ANKRD36: variants seen among roughly 807,000 people sequenced by gnomAD.
ANKRD36 encodes the protein ankyrin repeat domain 36.
A neutral mutation model predicts 278.1 loss-of-function variants in ANKRD36; 179 were observed. That is an observed-to-expected ratio of 0.64 (90% CI 0.57 to 0.73). The LOEUF (loss-of-function observed/expected upper bound fraction) is 0.73, where lower values mean the gene tolerates loss of function less well. Among genes scored for constraint, ANKRD36 ranks in the 30% least tolerant of loss-of-function variants. ANKRD36 has a pLI of 0.00. For synonymous variants in ANKRD36, 320 were observed against 641.1 expected, an observed-to-expected ratio of 0.50 and a Z score of 7.57; for missense variants, 1,159 against 1,956.7, an observed-to-expected ratio of 0.59 and a Z score of 7.69.
At chr2:97,147,329 C>T (rs879591440) in intron 11 of ANKRD36, among the ~76,000 whole-genome samples, 1 of 151,754 alleles carries the variant, frequency 6.6e-6, no homozygotes, top group Non-Finnish European at 1.5e-5. Context: ...TTCACTTTCT[C>T]TACCACTTTT....
intron 54 of ANKRD36, among the ~76,000 whole-genome samples, chr2:97,209,431 T>G (rs1288383387): frequency 1.4e-5 from 2 of 146,506 alleles, no homozygotes; most frequent in Non-Finnish European, 3.0e-5. Flanking sequence ...ATTGACACGG[T>G]TTTATTTTAG....
At chr2:97,182,015 G>A (rs1161846001) in intron 26 of ANKRD36, among the ~76,000 whole-genome samples, 2 of 150,096 alleles carry the variant, frequency 1.3e-5, no homozygotes, top group Non-Finnish European at 3.0e-5. Context: ...AAGAAACGTT[G>A]GAGAGCCATT....
In ANKRD36 at chr2:97,256,384, C is replaced by G. The variant is rs1382987382; in HGVS notation, c.*6+6211C>G. Reference sequence around the variant, plus strand: ...AAAAAAAAAAATTCTGCTTCAATTTCCTTATTATTTATTAGTCCATTCAGA... The same window carrying G: ...AAAAAAAAAAATTCTGCTTCAATTTGCTTATTATTTATTAGTCCATTCAGA... On this transcript the variant is annotated intron_variant, in intron 75 of 75. Coordinates refer to ENST00000420699, the MANE Select transcript of ANKRD36 (RefSeq NM_001354587.1). Among the ~76,000 whole-genome samples, 4 of 152,210 alleles carry G rather than the reference C, an allele frequency of 2.6e-5. No individual in the cohort carries two copies. In the South Asian group the frequency reaches 8.3e-4, roughly 32 times the overall value.
chr2:97,208,804 A>C (rs2063574016), intron 54 of ANKRD36, among the ~76,000 whole-genome samples: 1 of 146,830 alleles, frequency 6.8e-6, no homozygotes, highest in African/African-American at 2.6e-5. Flanking sequence ...ACTTCTTTAG[A>C]GAATAACACG....
intron 8 of ANKRD36, among the ~76,000 whole-genome samples, chr2:97,144,140 T>A (rs2043627467): frequency 1.3e-5 from 2 of 152,168 alleles, no homozygotes; most frequent in Non-Finnish European, 2.9e-5. Context: ...ATGTGTTACA[T>A]GAAAAACATG....
In ANKRD36 at chr2:97,158,167, T is replaced by C; in HGVS notation, c.1321T>C (p.Leu441=). Reference sequence around the variant, plus strand: ...TATTTCTCAACAATCTGCAGAAAATTGTAAGCTATTTGAAACCTGACTATT... The same window carrying C: ...TATTTCTCAACAATCTGCAGAAAATCGTAAGCTATTTGAAACCTGACTATT... ...RTISQQSAEN[L]DAACGIDKTE... The change falls in exon 16 of 76, where the codon TTA becomes CTA. Residue 441 remains leucine, a splice_region_variant and synonymous_variant. Coordinates refer to ENST00000420699, the MANE Select transcript of ANKRD36 (RefSeq NM_001354587.1). 1 of 1,500,382 alleles carries C rather than the reference T, an allele frequency of 6.7e-7. No individual in the cohort carries two copies. The highest frequency in any genetic ancestry group is 1.2e-5 in the South Asian group (1 of 83,088). 92.9% of individuals were successfully genotyped at this position (1,500,382 alleles called of 1,614,324 possible).
intron 3 of ANKRD36, among the ~76,000 whole-genome samples, chr2:97,122,201 T>C (rs965505347): frequency 2.1e-5 from 2 of 97,444 alleles, no homozygotes; most frequent in African/African-American, 5.5e-5. Flanking sequence ...AGGAAACCTC[T>C]ACCTTTACTG....
In ANKRD36 at chr2:97,113,752, A is replaced by G. The variant is rs774044606; in HGVS notation, c.13A>G (p.Lys5Glu). 2,087 of 1,588,970 alleles carry G rather than the reference A, an allele frequency of 1.3e-3. 34 individuals carry two copies. The highest frequency in any genetic ancestry group is 8.1e-3 in the Middle Eastern group (49 of 6,014). ...GCAGCCGACGATTATGGAAGACGGC[A>G]AGCGGGAGAGGTGGCCCACCCTCAT... is the stretch of plus-strand genomic sequence containing the variant. The part of the protein sequence containing the change: MEDG[K>E]RERWPTLMER... Residue 5 changes from lysine to glutamate, a missense_variant, in exon 1 of 76, where the codon AAG (lysine) becomes GAG (glutamate). Lys to Glu is a moderately conservative substitution (Grantham distance 56). Transcript: ENST00000420699.
intron 67 of ANKRD36, among the ~76,000 whole-genome samples, chr2:97,231,079 G>A (rs1354915321): frequency 3.3e-5 from 5 of 152,094 alleles, no homozygotes; most frequent in African/African-American, 7.2e-5. Flanking sequence ...TAGGCTGCTC[G>A]GGGGTCAGTG....
At chr2:97,181,159 C>G (rs1036052351) in intron 24 of ANKRD36, among the ~76,000 whole-genome samples, 1 of 151,506 alleles carries the variant, frequency 6.6e-6, no homozygotes, top group African/African-American at 2.4e-5. Flanking sequence ...TGTGTACCTC[C>G]TAGTTATTGG....
At chr2:97,198,329 A>G (rs1244851239) in intron 42 of ANKRD36, 134 bp from the exon 43 acceptor site, 1 of 1,516,706 alleles carries the variant, frequency 6.6e-7, no homozygotes, top group Non-Finnish European at 8.9e-7. Flanking sequence ...TAGTCCCCAG[A>G]CACAAAGTAG....
chr2:97,131,320 G>A (rs200743401), intron 6 of ANKRD36, among the ~76,000 whole-genome samples: 56 of 151,738 alleles, frequency 3.7e-4, no homozygotes, highest in East Asian at 2.7e-3. Context: ...CTCCTAAGTC[G>A]GTGAGACTGC....
chr2:97,144,771 C>G (rs1474742697), intron 10 of ANKRD36, 59 bp downstream of exon 10: 1 of 1,524,474 alleles, frequency 6.6e-7, no homozygotes, highest in African/African-American at 1.4e-5. Context: ...CTTCCCTTCC[C>G]CAAATAAATC....
chr2:97,190,585 C>A (rs535360562), intron 34 of ANKRD36, among the ~76,000 whole-genome samples: 1 of 151,514 alleles, frequency 6.6e-6, no homozygotes, highest in Non-Finnish European at 1.5e-5. Context: ...TGGTATAAAT[C>A]CTTTTGATTT....
chr2:97,182,623 T>C (rs530280561), intron 26 of ANKRD36, among the ~76,000 whole-genome samples: 35 of 151,084 alleles, frequency 2.3e-4, no homozygotes, highest in African/African-American at 8.4e-4. Context: ...AAAAAATTAA[T>C]GGTGAATTCA....
intron 18 of ANKRD36, 142 bp from the exon 19 acceptor site, chr2:97,164,141 A>C (rs1432553479): frequency 6.8e-7 from 1 of 1,473,956 alleles, no homozygotes; most frequent in Non-Finnish European, 8.9e-7. Context: ...AACCAAAACA[A>C]GAGCAAAGCA....
At chr2:97,232,209 A>G (rs1432317244) in intron 67 of ANKRD36, among the ~76,000 whole-genome samples, 2 of 151,734 alleles carry the variant, frequency 1.3e-5, no homozygotes, top group Non-Finnish European at 2.9e-5. Context: ...AGTTATTTTT[A>G]AAACATGTAC....
At chr2:97,171,677 T>G (rs1233562519) in intron 22 of ANKRD36, among the ~76,000 whole-genome samples, 1 of 144,992 alleles carries the variant, frequency 6.9e-6, no homozygotes, top group South Asian at 2.3e-4. Flanking sequence ...AATGTGCACA[T>G]GTACCCTAAA....
chr2:97,187,550 A>C (rs1328978789), intron 32 of ANKRD36, 149 bp downstream of exon 32: 2 of 1,242,694 alleles, frequency 1.6e-6, no homozygotes, highest in Non-Finnish European at 1.1e-6. Flanking sequence ...ATTTGTAATA[A>C]ATTCTTGGGT....
Sources: gnomAD v4.1 joint callset for allele counts (sites outside exome capture counted in the v4.1 genomes callset) on GRCh38, gnomAD v4.1.1 for gene constraint, MANE v1.5 for transcripts, NCBI Gene and HGNC (gene_info 2026-07-23, HGNC 2026-07-21) for gene names.